Variants in DIAPH3 observed in about 807,000 individuals in gnomAD.
The protein encoded by DIAPH3 is diaphanous related formin 3, also known as protein diaphanous homolog 3.
In DIAPH3, 117 loss-of-function variants were observed where a neutral mutation model predicts 144.3. The ratio of observed to expected loss-of-function variants is 0.81; its 90% CI spans 0.70 to 0.95. The LOEUF is 0.95. Among genes scored for constraint, DIAPH3 ranks in the 40% least tolerant of loss-of-function variants. The pLI is 0.00. For synonymous variants in DIAPH3, 519 were observed against 488.9 expected (o/e 1.06, Z -0.81); for missense variants, 1,421 against 1,412.7 (o/e 1.01, Z -0.09).
At chr13:60,138,681 G>A (rs1426319663) in intron 1 of DIAPH3, among the ~76,000 whole-genome samples, 6 of 151,944 alleles carry the variant, frequency 3.9e-5, no homozygotes, top group Non-Finnish European at 5.9e-5. Context: ...ATTAAAGATT[G>A]TTCATTGTAT....
intron 20 of DIAPH3, among the ~76,000 whole-genome samples, chr13:59,882,205 C>T (rs1339396159): frequency 1.3e-5 from 2 of 152,132 alleles, no homozygotes; most frequent in South Asian, 2.1e-4. Context: ...TCTCCTGCCT[C>T]GGCCTCTTGA....
chr13:59,826,714 G>T (rs1358972407), intron 24 of DIAPH3, among the ~76,000 whole-genome samples: 45 of 151,682 alleles, frequency 3.0e-4, no homozygotes, highest in Non-Finnish European at 4.9e-4. Context: ...AAAAGAGCCC[G>T]CATCGCCAAG....
intron 21 of DIAPH3, among the ~76,000 whole-genome samples, chr13:59,869,988 AT>A (rs2044157466): frequency 6.6e-6 from 1 of 152,118 alleles, no homozygotes; most frequent in South Asian, 2.1e-4. Context: ...ATAAAGTTCA[AT>A]TTATCAATTT....
intron 4 of DIAPH3, among the ~76,000 whole-genome samples, chr13:60,082,385 C>T (rs1187603706): frequency 2.0e-5 from 3 of 150,014 alleles, no homozygotes; most frequent in Non-Finnish European, 3.0e-5. Context: ...AATTAGAACA[C>T]ATCAGTGAAA....
intron 27 of DIAPH3, among the ~76,000 whole-genome samples, chr13:59,736,839 A>AT (rs1255435980): frequency 6.6e-6 from 1 of 152,190 alleles, no homozygotes; most frequent in African/African-American, 2.4e-5. Context: ...GGATAGAGAA[A>AT]TAAGACTGCA....
chr13:60,136,180 T>G (rs2138262855), intron 1 of DIAPH3, among the ~76,000 whole-genome samples: 1 of 152,326 alleles, frequency 6.6e-6, no homozygotes, highest in Admixed American at 6.5e-5. Flanking sequence ...GGTAATATCC[T>G]TAATTAAAAT....
chr13:60,097,315 T>A (rs1056338773), intron 3 of DIAPH3, among the ~76,000 whole-genome samples: 1 of 152,150 alleles, frequency 6.6e-6, no homozygotes, highest in African/African-American at 2.4e-5. Context: ...CATGAATAGA[T>A]TAATGACCTT....
chr13:59,689,598 A>G (rs918983803), intron 27 of DIAPH3, among the ~76,000 whole-genome samples: 1 of 152,056 alleles, frequency 6.6e-6, no homozygotes, highest in Non-Finnish European at 1.5e-5. Context: ...CTGAGTAAGA[A>G]ACGAGAAGAC....
chr13:59,834,537 C>T (rs913060633), intron 23 of DIAPH3, among the ~76,000 whole-genome samples: 117 of 151,712 alleles, frequency 7.7e-4, no homozygotes, highest in African/African-American at 2.7e-3. Context: ...GAAACTGATG[C>T]AGGTCCTTTT....
intron 27 of DIAPH3, among the ~76,000 whole-genome samples, chr13:59,732,205 T>C: frequency 6.6e-6 from 1 of 152,138 alleles, no homozygotes; most frequent in South Asian, 2.1e-4. Flanking sequence ...TTCCATTCCT[T>C]CAAAATTTAG....
At chr13:59,850,223 A>G (rs561884387) in intron 22 of DIAPH3, among the ~76,000 whole-genome samples, 1 of 152,096 alleles carries the variant, frequency 6.6e-6, no homozygotes, top group South Asian at 2.1e-4. Flanking sequence ...TTTTGGGCTG[A>G]GACGATGGGG....
chr13:59,763,860 T>C (rs2037739068), intron 27 of DIAPH3, among the ~76,000 whole-genome samples: 1 of 152,162 alleles, frequency 6.6e-6, no homozygotes, highest in Admixed American at 6.5e-5. Context: ...CAAATCAATA[T>C]TTAAGAGTAA....
At chr13:59,879,776 A>C (rs1424203818) in intron 20 of DIAPH3, among the ~76,000 whole-genome samples, 1 of 152,216 alleles carries the variant, frequency 6.6e-6, no homozygotes, top group African/African-American at 2.4e-5. Flanking sequence ...AACAAGATAC[A>C]TAGGCCACAA....
chr13:60,008,807 A>G (rs1218690045), intron 8 of DIAPH3, among the ~76,000 whole-genome samples, 158 bp from the exon 9 acceptor site: 1 of 152,252 alleles, frequency 6.6e-6, no homozygotes, highest in Non-Finnish European at 1.5e-5. Flanking sequence ...AGTTCTAAGC[A>G]TGTTACATTT....
intron 4 of DIAPH3, among the ~76,000 whole-genome samples, chr13:60,046,426 C>G (rs1479639518): frequency 6.6e-6 from 1 of 152,226 alleles, no homozygotes; most frequent in Admixed American, 6.5e-5. Context: ...AAATGAGATA[C>G]CATCTCACGC....
rs149449290 is a variant in DIAPH3, at chr13:59,925,820, G to C, written c.2075-950C>G. Among the ~76,000 whole-genome samples the C allele has an allele frequency of 3.7e-3, 564 of 152,116 alleles. 2 individuals carry two copies. Among genetic ancestry groups the C allele is most frequent in the African/African-American group, 0.012 (498 of 41,494 alleles). ...TTTTCCAATGTGTTGGCAAACATTTGTTCATAATTAGACTCTAACAATCCT... is the reference window on the plus strand; with the variant it reads ...TTTTCCAATGTGTTGGCAAACATTTCTTCATAATTAGACTCTAACAATCCT... On this transcript the variant is annotated intron_variant, in intron 17 of 27. Coordinates refer to ENST00000400324, the MANE Select transcript of DIAPH3 (RefSeq NM_001042517.2).
intron 22 of DIAPH3, among the ~76,000 whole-genome samples, chr13:59,852,994 C>T (rs1719546020): frequency 6.6e-6 from 1 of 152,154 alleles, no homozygotes; most frequent in African/African-American, 2.4e-5. Context: ...ACTTGATAAA[C>T]ATTTGTACAT....
chr13:60,030,144 T>A (rs928509166), intron 5 of DIAPH3, among the ~76,000 whole-genome samples: 1 of 152,194 alleles, frequency 6.6e-6, no homozygotes, highest in Admixed American at 6.5e-5. Flanking sequence ...TCAGTCCTCA[T>A]TTTTTCTTCA....
At chr13:59,987,036 T>G (rs1375671442) in intron 12 of DIAPH3, among the ~76,000 whole-genome samples, 1 of 152,058 alleles carries the variant, frequency 6.6e-6, no homozygotes, top group African/African-American at 2.4e-5. Flanking sequence ...GTATGTTTAT[T>G]GCGGCATTAT....
Sources: gnomAD v4.1 joint callset for allele counts (sites outside exome capture counted in the v4.1 genomes callset) on GRCh38, gnomAD v4.1.1 for gene constraint, MANE v1.5 for transcripts, NCBI Gene and HGNC (gene_info 2026-07-23, HGNC 2026-07-21) for gene names.